Variants in FAM107B observed in about 807,000 individuals in gnomAD.
FAM107B encodes family with sequence similarity 107 member B, also known as protein FAM107B.
FAM107B carries 21 observed loss-of-function variants against 31.5 expected under a neutral mutation model. The ratio of observed to expected loss-of-function variants is 0.67; its 90% CI spans 0.47 to 0.96. The LOEUF (loss-of-function observed/expected upper bound fraction) is 0.96, where lower values mean the gene tolerates loss of function less well. Ranked by LOEUF, FAM107B falls within the 40% of genes least tolerant of loss-of-function variation. The pLI is 0.00. For missense variants in FAM107B, 452 were observed against 377.1 expected, an observed-to-expected ratio of 1.20 and a Z score of -1.64; for synonymous variants, 157 against 141.5, an observed-to-expected ratio of 1.11 and a Z score of -0.78.
intron 1 of FAM107B, among the ~76,000 whole-genome samples, chr10:14,675,414 G>A (rs1476848413): frequency 1.3e-5 from 2 of 152,014 alleles, no homozygotes; most frequent in Non-Finnish European, 2.9e-5. Flanking sequence ...ATGCTTATTT[G>A]GTGCATCTAT....
At chr10:14,619,391 T>C (rs916704628) in intron 2 of FAM107B, among the ~76,000 whole-genome samples, 2 of 152,216 alleles carry the variant, frequency 1.3e-5, no homozygotes, top group African/African-American at 2.4e-5. Context: ...GCCATTCTAA[T>C]AGGTGAAGAG....
rs185170733 is a variant in FAM107B, at chr10:14,629,144, C to A, written c.469+38490G>T. Reference sequence around the variant, plus strand: ...ATTTAAGATGTTTAAAGGAGTTTAACTTTCTAAGTGGAACCAAATATTAAC... The same window carrying A: ...ATTTAAGATGTTTAAAGGAGTTTAAATTTCTAAGTGGAACCAAATATTAAC... On this transcript the variant is annotated intron_variant, in intron 2 of 4. Transcript: ENST00000181796. Among the ~76,000 whole-genome samples, 1,154 of 143,356 alleles carry A rather than the reference C, an allele frequency of 8.0e-3. 9 individuals carry two copies. Among genetic ancestry groups the A allele is most frequent in the Non-Finnish European group, 0.012 (778 of 66,492 alleles). 94.0% of individuals were successfully genotyped at this position (143,356 alleles called of 152,430 possible).
intron 2 of FAM107B, among the ~76,000 whole-genome samples, chr10:14,592,571 T>C (rs1852057301): frequency 1.3e-5 from 2 of 152,228 alleles, no homozygotes; most frequent in South Asian, 2.1e-4. Flanking sequence ...GCTTTGTTTT[T>C]CGTGTATCTT....
intron 1 of FAM107B, among the ~76,000 whole-genome samples, chr10:14,710,429 A>AACAC (rs1337029424): frequency 3.9e-5 from 4 of 102,854 alleles, no homozygotes; most frequent in African/African-American, 1.8e-4. Context: ...TGTCTCTAAA[A>AACAC]ATACACACAC....
chr10:14,771,857 T>G (rs1425086884), intron 1 of FAM107B, among the ~76,000 whole-genome samples: 1 of 151,732 alleles, frequency 6.6e-6, no homozygotes. Flanking sequence ...TCAAGCGAGA[T>G]CACATATGAA....
intron 1 of FAM107B, among the ~76,000 whole-genome samples, chr10:14,702,805 C>T (rs1157703308): frequency 2.6e-5 from 4 of 152,116 alleles, no homozygotes; most frequent in Non-Finnish European, 5.9e-5. Context: ...GTATTTTGCC[C>T]TCAAAGATCA....
At chr10:14,579,136 A>G (rs1851555448) in intron 2 of FAM107B, among the ~76,000 whole-genome samples, 1 of 152,232 alleles carries the variant, frequency 6.6e-6, no homozygotes, top group South Asian at 2.1e-4. Flanking sequence ...TGATTTTCTA[A>G]GATGTTATCT....
chr10:14,668,159 A>C (rs920829728), intron 1 of FAM107B, among the ~76,000 whole-genome samples: 1 of 152,056 alleles, frequency 6.6e-6, no homozygotes, highest in African/African-American at 2.4e-5. Flanking sequence ...CTTCTGCCTC[A>C]GCCTCCTAAG....
intron 2 of FAM107B, among the ~76,000 whole-genome samples, chr10:14,656,391 T>A (rs1256477543): frequency 6.6e-6 from 1 of 152,262 alleles, no homozygotes; most frequent in East Asian, 1.9e-4. Flanking sequence ...CTTTGAGATT[T>A]GAAAACTTTG....
chr10:14,710,349 T>A (rs568753286), intron 1 of FAM107B, among the ~76,000 whole-genome samples: 1 of 152,014 alleles, frequency 6.6e-6, no homozygotes, highest in African/African-American at 2.4e-5. Flanking sequence ...AGGTTGAGGC[T>A]ACTGTGAGCT....
rs1408270884 is a variant in FAM107B, at chr10:14,735,695, G to T, written c.411+38558C>A. ...ACTCCTTTTCATAGAATTTAAAGCA[G>T]AAGAGTAGCTGGAGTTCTGCCAGTC... On this transcript the variant is annotated intron_variant, in intron 1 of 4. Coordinates refer to ENST00000181796, the MANE Select transcript of FAM107B (RefSeq NM_031453.4). 2.6e-5 allele frequency among the ~76,000 whole-genome samples: 4 copies of T among 152,200 alleles called. No individual in the cohort carries two copies. The East Asian group carries it at 7.7e-4, about 29-fold the overall frequency.
intron 1 of FAM107B, among the ~76,000 whole-genome samples, chr10:14,684,307 C>T (rs1005343576): frequency 6.6e-6 from 1 of 151,980 alleles, no homozygotes; most frequent in African/African-American, 2.4e-5. Flanking sequence ...AAAAAATTAG[C>T]CAGGTGTGGT....
At chr10:14,693,648 A>G (rs1382030048) in intron 1 of FAM107B, among the ~76,000 whole-genome samples, 1 of 152,104 alleles carries the variant, frequency 6.6e-6, no homozygotes, top group Non-Finnish European at 1.5e-5. Flanking sequence ...CGGCAAATAC[A>G]GTACAGTTTT....
intron 1 of FAM107B, among the ~76,000 whole-genome samples, chr10:14,761,023 A>G (rs946949022): frequency 2.8e-5 from 4 of 141,190 alleles, no homozygotes; most frequent in Non-Finnish European, 6.4e-5. Flanking sequence ...AAAAAAAAAA[A>G]AAAAAAAAAA....
rs188745441 is a variant in FAM107B at position 14,706,864 on chromosome 10, C to A, written c.412-39173G>T. On this transcript the variant is annotated intron_variant, in intron 1 of 4. Transcript: ENST00000181796. ...AATGGTGGCCAGATGCCGTGTCTCA[C>A]GCCTGGAATCCCAGCACTTTGGGAG... Among the ~76,000 whole-genome samples the A allele has an allele frequency of 1.5e-3, 229 of 152,276 alleles. 1 individual carries two copies. The highest frequency in any genetic ancestry group is 5.4e-3 in the African/African-American group (224 of 41,558).
intron 2 of FAM107B, among the ~76,000 whole-genome samples, chr10:14,627,732 A>T (rs1172269971): frequency 6.6e-6 from 1 of 152,178 alleles, no homozygotes; most frequent in Non-Finnish European, 1.5e-5. Flanking sequence ...AGGATCACAC[A>T]TCTGCATCCT....
At chr10:14,711,644 T>G (rs1328147565) in intron 1 of FAM107B, among the ~76,000 whole-genome samples, 1 of 152,160 alleles carries the variant, frequency 6.6e-6, no homozygotes, top group African/African-American at 2.4e-5. Flanking sequence ...TCCCTGCTTT[T>G]TTTAGTTTTT....
intron 2 of FAM107B, among the ~76,000 whole-genome samples, chr10:14,576,408 T>C (rs573045352): frequency 6.2e-4 from 95 of 152,130 alleles, no homozygotes; most frequent in African/African-American, 2.1e-3. Flanking sequence ...GCACCTGTCA[T>C]CCCAGCTATT....
chr10:14,593,123 G>A (rs978299018), intron 2 of FAM107B, among the ~76,000 whole-genome samples: 11 of 152,110 alleles, frequency 7.2e-5, no homozygotes, highest in Non-Finnish European at 8.8e-5. Context: ...AGATTTGAAC[G>A]AAGTCTTTTT....
Sources: gnomAD v4.1 joint callset for allele counts (sites outside exome capture counted in the v4.1 genomes callset) on GRCh38, gnomAD v4.1.1 for gene constraint, MANE v1.5 for transcripts, NCBI Gene and HGNC (gene_info 2026-07-23, HGNC 2026-07-21) for gene names.